The following SLC12A7 variants were observed in gnomAD, a reference collection of about 807,000 sequenced individuals.
SLC12A7 encodes the protein K-Cl cotransporter 4.
SLC12A7 carries 100 observed loss-of-function variants against 120.6 expected under a neutral mutation model. That is an observed-to-expected ratio of 0.83 (90% CI 0.71 to 0.98). SLC12A7 has a LOEUF of 0.98. SLC12A7 is among the 50% of genes least tolerant of loss of function. SLC12A7 has a pLI of 0.00. For missense variants in SLC12A7, 1,373 were observed against 1,548.1 expected, an observed-to-expected ratio of 0.89 and a Z score of 1.90; for synonymous variants, 760 against 678.0, an observed-to-expected ratio of 1.12 and a Z score of -1.88.
chr5:1,073,604 G>A, intron 17 of SLC12A7, 29 bp downstream of exon 17: 5 of 1,582,008 alleles, frequency 3.2e-6, no homozygotes, highest in Non-Finnish European at 3.4e-6. Flanking sequence ...TGGGAAAGAG[G>A]CCTGGCCCCC....
intron 1 of SLC12A7, among the ~76,000 whole-genome samples, chr5:1,110,474 G>C (rs1161507886): frequency 1.3e-5 from 2 of 152,338 alleles, no homozygotes; most frequent in East Asian, 1.9e-4. Context: ...ACAAGAAAAC[G>C]AACAAGCACA....
At chr5:1,141,134 C>G in the SLC12A7 span, among the ~76,000 whole-genome samples, 84,811 of 152,110 alleles carry the variant, frequency 0.56, 24,713 homozygotes, top group African/African-American at 0.73. Context: ...GAGCTGTAGG[C>G]GGGCACCGGT....
At chr5:1,133,295 C>T in the SLC12A7 span, among the ~76,000 whole-genome samples, 1 of 152,214 alleles carries the variant, frequency 6.6e-6, no homozygotes, top group Non-Finnish European at 1.5e-5. Context: ...CTGGGAGTCG[C>T]ACATGTGGGC....
intron 13 of SLC12A7, among the ~76,000 whole-genome samples, chr5:1,076,483 C>A (rs75871845): frequency 1.5e-4 from 20 of 135,454 alleles, no homozygotes. Flanking sequence ...GTCTGTCCAG[C>A]CACACTGTCC....
chr5:1,118,391 A>G, the SLC12A7 span, among the ~76,000 whole-genome samples: 1 of 152,270 alleles, frequency 6.6e-6, no homozygotes, highest in Admixed American at 6.5e-5. Context: ...AAGATCCCAC[A>G]CTGGGAAACG....
the SLC12A7 span, among the ~76,000 whole-genome samples, chr5:1,139,113 G>A: frequency 3.3e-5 from 5 of 152,172 alleles, no homozygotes; most frequent in Non-Finnish European, 5.9e-5. Flanking sequence ...GGGAGCCTCC[G>A]ATGGTCCCCA....
At chr5:1,067,472 C>T (rs1009816154) in intron 17 of SLC12A7, among the ~76,000 whole-genome samples, 2 of 152,248 alleles carry the variant, frequency 1.3e-5, no homozygotes, top group Non-Finnish European at 2.9e-5. Flanking sequence ...CCACGAGACC[C>T]CTCTGCAGGG....
chr5:1,090,231 G>A (rs1326106193), intron 3 of SLC12A7, among the ~76,000 whole-genome samples: 1 of 152,212 alleles, frequency 6.6e-6, no homozygotes, highest in African/African-American at 2.4e-5. Context: ...GTGCCGGAAC[G>A]CCTCCCACAG....
the SLC12A7 span, among the ~76,000 whole-genome samples, chr5:1,134,483 T>C: frequency 1.3e-5 from 2 of 151,644 alleles, no homozygotes; most frequent in Non-Finnish European, 2.9e-5. Flanking sequence ...AAAAAAAAAT[T>C]TGAACACCCA....
intron 14 of SLC12A7, 57 bp downstream of exon 14, chr5:1,076,081 G>A: frequency 6.9e-7 from 1 of 1,458,250 alleles, no homozygotes; most frequent in Non-Finnish European, 9.4e-7. Flanking sequence ...ACCAGTGGCA[G>A]AGGCACCCAG....
intron 9 of SLC12A7, 21 bp downstream of exon 9, chr5:1,081,556 A>AAG (rs1420378962): frequency 6.3e-7 from 1 of 1,589,264 alleles, no homozygotes; most frequent in Non-Finnish European, 8.6e-7. Flanking sequence ...GAGAAGGGGA[A>AAG]GCCTGGAGCA....
Position 1,052,460 on chromosome 5 carries a change from A to T in SLC12A7, c.3161-9T>A, listed in dbSNP as rs1264050533. 2 of 1,608,056 alleles carry T rather than the reference A, an allele frequency of 1.2e-6. No homozygotes were observed. The highest frequency in any genetic ancestry group is 1.7e-6 in the Non-Finnish European group (2 of 1,175,610). ...TTCAAGAAACTCCATGTCTGTGGTC[A>T]ACAGAGTTAAGGCCACAGCTGATCT... On this transcript the variant is annotated splice_polypyrimidine_tract_variant and intron_variant, in intron 23 of 23. Transcript: ENST00000264930.
Position 1,053,492 on chromosome 5 carries a change from A to G in SLC12A7, c.3027-10T>C. Reference sequence around the variant, plus strand: ...GACGTTGGACTGGTCCCTGCAGGGGAGGTGGGCACGGTCAGCGGGCGGCGG... The same window carrying G: ...GACGTTGGACTGGTCCCTGCAGGGGGGGTGGGCACGGTCAGCGGGCGGCGG... On this transcript the variant is annotated splice_polypyrimidine_tract_variant and intron_variant, in intron 22 of 23. Transcript: ENST00000264930. 6.2e-7 allele frequency: 1 copy of G among 1,611,902 alleles called. No individual in the cohort carries two copies. Among genetic ancestry groups the G allele is most frequent in the Non-Finnish European group, 8.5e-7 (1 of 1,179,102 alleles).
At chr5:1,090,122 G>A (rs913951433) in intron 3 of SLC12A7, among the ~76,000 whole-genome samples, 1 of 152,254 alleles carries the variant, frequency 6.6e-6, no homozygotes, top group Non-Finnish European at 1.5e-5. Context: ...CCCAGGCCTG[G>A]GGAGGATGGG....
chr5:1,149,305 G>A, the SLC12A7 span, among the ~76,000 whole-genome samples: 9 of 152,222 alleles, frequency 5.9e-5, no homozygotes, highest in Admixed American at 1.3e-4. Flanking sequence ...GGCCAGGCGC[G>A]GCGGCTCACA....
upstream of SLC12A7, among the ~76,000 whole-genome samples, chr5:1,114,502 C>T (rs923181556): frequency 6.6e-6 from 1 of 152,148 alleles, no homozygotes; most frequent in African/African-American, 2.4e-5. Context: ...GTTTCCGTGT[C>T]CACGTATATC....
At chr5:1,114,608 C>T (rs754909269), upstream of SLC12A7, among the ~76,000 whole-genome samples, 11 of 152,176 alleles carry the variant, frequency 7.2e-5, no homozygotes, top group Non-Finnish European at 1.3e-4. Flanking sequence ...CTGTACCCGG[C>T]ACCTGTTGTA....
chr5:1,090,965 C>T (rs1027732558), intron 3 of SLC12A7, among the ~76,000 whole-genome samples: 3 of 152,004 alleles, frequency 2.0e-5, no homozygotes, highest in South Asian at 2.1e-4. Context: ...GGACCAGGGG[C>T]GGCCCCTGCC....
Position 1,064,200 on chromosome 5 carries a change from G to A in SLC12A7, c.2490C>T (p.Asn830=), listed in dbSNP as rs750713099. The change falls in exon 19 of 24, where the codon AAC becomes AAT. Residue 830 remains asparagine, a synonymous_variant. Coordinates refer to ENST00000264930, the MANE Select transcript of SLC12A7 (RefSeq NM_006598.3). ...AAHQALLVAK[N]VDSFPQNQER... is the part of the protein sequence containing the mutation. ...CCTGGTTTTGCGGAAACGAGTCGACGTTCTTGGCCACCAGCAGAGCCTGGT... is the reference window on the plus strand; with the variant it reads ...CCTGGTTTTGCGGAAACGAGTCGACATTCTTGGCCACCAGCAGAGCCTGGT... The A allele has an allele frequency of 3.5e-5, 56 of 1,612,252 alleles. No individual in the cohort carries two copies. Among genetic ancestry groups the A allele is most frequent in the Middle Eastern group, 1.6e-4 (1 of 6,082 alleles).
Sources: allele counts gnomAD v4.1 joint callset (sites outside exome capture counted in the v4.1 genomes callset), GRCh38; gene constraint gnomAD v4.1.1; transcripts MANE v1.5; gene names NCBI Gene and HGNC (gene_info 2026-07-23, HGNC 2026-07-21).